GUCY2C: variants seen among roughly 807,000 people sequenced by gnomAD.
GUCY2C encodes the protein guanylate cyclase 2C, also known as guanylyl cyclase C.
GUCY2C carries 118 observed loss-of-function variants against 131.1 expected under a neutral mutation model. The observed-to-expected ratio is 0.90, with a 90% CI of 0.78 to 1.05. The LOEUF is 1.05. Among genes scored for constraint, GUCY2C ranks in the 50% least tolerant of loss-of-function variants. The probability of loss-of-function intolerance (pLI) is 0.00; values close to 1 mark genes in which losing one functional copy is unlikely to be tolerated. For synonymous variants in GUCY2C, 452 were observed against 457.8 expected, an observed-to-expected ratio of 0.99 and a Z score of 0.16; for missense variants, 1,161 against 1,304.4, an observed-to-expected ratio of 0.89 and a Z score of 1.69.
chr12:14,635,364 C>T (rs1947244136), intron 19 of GUCY2C, among the ~76,000 whole-genome samples: 1 of 152,014 alleles, frequency 6.6e-6, no homozygotes, highest in South Asian at 2.1e-4. Context: ...TCTGAATAAC[C>T]ATTGAGTCGA....
At chr12:14,653,497 C>T (rs1483455372) in intron 12 of GUCY2C, among the ~76,000 whole-genome samples, 1 of 152,178 alleles carries the variant, frequency 6.6e-6, no homozygotes, top group African/African-American at 2.4e-5. Context: ...TCTTATTTAT[C>T]AAAAGGAGCT....
At chr12:14,681,255 A>G (rs1948341288) in intron 5 of GUCY2C, 101 bp downstream of exon 5, 1 of 984,058 alleles carries the variant, frequency 1.0e-6, no homozygotes, top group African/African-American at 1.6e-5. Context: ...ATGAGTAAGG[A>G]TGATAGCTCT....
At chr12:14,633,477 A>G (rs7296937) in intron 19 of GUCY2C, among the ~76,000 whole-genome samples, 132,981 of 152,094 alleles carry the variant, frequency 0.87, 60,870 homozygotes, top group Non-Finnish European at 1. Flanking sequence ...AGATGCACAG[A>G]TATCAACATA....
rs375538069 is a variant in GUCY2C at position 14,688,081 on chromosome 12, G to A, written c.218-18C>T. The A allele has an allele frequency of 2.1e-6, 3 of 1,436,214 alleles. No homozygotes were observed. The highest frequency in any genetic ancestry group is 2.9e-6 in the Non-Finnish European group (3 of 1,017,966). 89.0% of individuals were successfully genotyped at this position (1,436,214 alleles called of 1,614,324 possible). A position where few individuals can be genotyped will look rare whatever the true frequency, so the allele number is the denominator to read the frequency against. On this transcript the variant is annotated intron_variant, in intron 1 of 26. Transcript: ENST00000261170. ...ATTTAGGCCTGTCGCCCAGAGATGA[G>A]GGAAAATAGAACACTAGTGTTATTT...
At chr12:14,660,292 G>A (rs1947842806) in intron 11 of GUCY2C, among the ~76,000 whole-genome samples, 1 of 152,126 alleles carries the variant, frequency 6.6e-6, no homozygotes, top group South Asian at 2.1e-4. Flanking sequence ...GATGTAGTGT[G>A]GTATTTACTC....
intron 2 of GUCY2C, 93 bp from the exon 3 acceptor site, chr12:14,686,318 T>C: frequency 1.1e-6 from 1 of 924,972 alleles, no homozygotes; most frequent in Non-Finnish European, 1.7e-6. Context: ...CCCAGAGGTT[T>C]AGAAAGTTGG....
chr12:14,643,778 A>C, intron 16 of GUCY2C, 72 bp from the exon 17 acceptor site: 1 of 1,429,658 alleles, frequency 7.0e-7, no homozygotes, highest in Non-Finnish European at 9.7e-7. Context: ...TAAAGAAAAA[A>C]GTGACATTTG....
At chr12:14,645,446 C>G in intron 15 of GUCY2C, 131 bp from the exon 16 acceptor site, 1 of 583,416 alleles carries the variant, frequency 1.7e-6, no homozygotes. Context: ...ATTCCATTGT[C>G]TGGGATTTCA....
intron 25 of GUCY2C, 139 bp downstream of exon 25, chr12:14,616,494 T>C (rs1312246258): frequency 6.1e-6 from 4 of 652,844 alleles, no homozygotes; most frequent in Non-Finnish European, 1.1e-5. Context: ...GTCATTTCTC[T>C]TGCAGAGGAT....
chr12:14,653,286 T>G (rs1384192123), intron 12 of GUCY2C, among the ~76,000 whole-genome samples: 1 of 152,204 alleles, frequency 6.6e-6, no homozygotes, highest in Non-Finnish European at 1.5e-5. Context: ...GGATTTCCTT[T>G]GCTCCCTTCA....
intron 15 of GUCY2C, among the ~76,000 whole-genome samples, chr12:14,647,462 GCT>G (rs1947545614): frequency 6.6e-6 from 1 of 152,050 alleles, no homozygotes; most frequent in South Asian, 2.1e-4. Context: ...CGGTAAATCG[GCT>G]CTCTGTTAGC....
Position 14,686,156 on chromosome 12 carries a change from C to G in GUCY2C, c.395+5G>C. On this transcript the variant is annotated splice_donor_5th_base_variant and intron_variant, in intron 3 of 26. Coordinates refer to ENST00000261170, the MANE Select transcript of GUCY2C (RefSeq NM_004963.4). Reference sequence around the variant, plus strand: ...CTGACTTCAGTTCACAGTAGTATTACTTACTACATCTGGAAGGTGGAGTAT... The same window carrying G: ...CTGACTTCAGTTCACAGTAGTATTAGTTACTACATCTGGAAGGTGGAGTAT... The G allele has an allele frequency of 6.5e-7, 1 of 1,542,648 alleles. No homozygotes were observed. The highest frequency in any genetic ancestry group is 9.0e-7 in the Non-Finnish European group (1 of 1,114,984).
rs1592156061 is a variant in GUCY2C at position 14,696,347 on chromosome 12, G to C, written c.102C>G (p.Ser34Arg). ...SQVSQNCHNGSYEISVLMMGN... is the reference protein window; with the variant it reads ...SQVSQNCHNGRYEISVLMMGN... ...CCATCATCAGGACGCTGATTTCATA[G>C]CTGCCATTGTGGCAGTTCTGACTCA... Residue 34 changes from serine (S) to arginine (R), a missense_variant, in exon 1 of 27, where the codon AGC becomes AGG. Transcript: ENST00000261170. The C allele has an allele frequency of 6.2e-7, 1 of 1,613,950 alleles. No homozygotes were observed. The highest frequency in any genetic ancestry group is 8.5e-7 in the Non-Finnish European group (1 of 1,179,844).
rs753288607 is a variant in GUCY2C at position 14,641,077 on chromosome 12, T to G, written c.2068+5A>C. ...GAGGGGACACATGAATGGGTTTAGA[T>G]GTACCATTCCGGTCCCGACAGCTCA... On this transcript the variant is annotated splice_donor_5th_base_variant and intron_variant, in intron 18 of 26. Transcript: ENST00000261170. The G allele has an allele frequency of 1.7e-5, 28 of 1,613,006 alleles. No individual in the cohort carries two copies. The East Asian group carries it at 6.2e-4, about 36-fold the overall frequency.
At chr12:14,673,826 C>G (rs897728362) in intron 8 of GUCY2C, among the ~76,000 whole-genome samples, 1 of 152,070 alleles carries the variant, frequency 6.6e-6, no homozygotes, top group African/African-American at 2.4e-5. Flanking sequence ...ATGGGATGAC[C>G]AACAAATTAC....
intron 20 of GUCY2C, 57 bp from the exon 21 acceptor site, chr12:14,625,972 C>A: frequency 1.1e-6 from 1 of 943,388 alleles, no homozygotes; most frequent in Non-Finnish European, 1.7e-6. Flanking sequence ...CATGAACATC[C>A]AATAAAACAA....
intron 5 of GUCY2C, among the ~76,000 whole-genome samples, chr12:14,680,203 A>G (rs1207411601): frequency 2.6e-5 from 4 of 152,222 alleles, no homozygotes; most frequent in African/African-American, 9.6e-5. Context: ...GAATTTATAA[A>G]GTCTCCCTAA....
In GUCY2C at chr12:14,621,146, A is replaced by G. The variant is rs1946887894; in HGVS notation, c.2672T>C (p.Ile891Thr). Residue 891 changes from isoleucine to threonine, a missense_variant, in exon 23 of 27, where the codon ATA becomes ACA. By Grantham distance (89) the Ile-to-Thr change is moderately conservative (BLOSUM62 -1). Transcript: ENST00000261170. ...TTCCAAGGCCATCTTGGCAATGTCT[A>G]TTGCATGCCGATTGCCATTTCTCTT... ...LPKRNGNRHA[I>T]DIAKMALEIL... 1.9e-6 allele frequency: 3 copies of G among 1,613,636 alleles called. No individual in the cohort carries two copies. The highest frequency in any genetic ancestry group is 1.3e-5 in the African/African-American group (1 of 74,876).
intron 15 of GUCY2C, among the ~76,000 whole-genome samples, chr12:14,647,891 T>C (rs939631895): frequency 6.6e-6 from 1 of 151,954 alleles, no homozygotes; most frequent in Non-Finnish European, 1.5e-5. Flanking sequence ...TTTCTTATAA[T>C]TTTTAGTATT....
Sources: allele counts gnomAD v4.1 joint callset (sites outside exome capture counted in the v4.1 genomes callset), GRCh38; gene constraint gnomAD v4.1.1; transcripts MANE v1.5; gene names NCBI Gene and HGNC (gene_info 2026-07-23, HGNC 2026-07-21).